Variants in NAV2 observed in about 807,000 individuals in gnomAD.
NAV2 encodes helicase, APC down-regulated 1.
Under a neutral mutation model 223.2 loss-of-function variants are expected in NAV2, and 54 were observed. That is an observed-to-expected ratio of 0.24 (90% CI 0.19 to 0.30). The LOEUF (loss-of-function observed/expected upper bound fraction) is 0.30. NAV2 is among the 10% of genes least tolerant of loss of function. The pLI is 1.00. For missense variants in NAV2, 2,806 were observed against 3,147.5 expected (o/e 0.89, Z 2.60); for synonymous variants, 1,279 against 1,239.3 (o/e 1.03, Z -0.67).
intron 1 of NAV2, among the ~76,000 whole-genome samples, chr11:19,755,835 G>A (rs2054189349): frequency 6.6e-6 from 1 of 152,178 alleles, no homozygotes; most frequent in Admixed American, 6.5e-5. Context: ...CAGCAAATAC[G>A]ATATGGAGTT....
intron 12 of NAV2, among the ~76,000 whole-genome samples, chr11:20,042,323 T>C (rs150309718): frequency 0.019 from 2,962 of 152,312 alleles, 46 homozygotes; most frequent in South Asian, 0.053. Flanking sequence ...AAGCGTGTGT[T>C]CCTTGGCTCC....
chr11:19,840,476 C>G, intron 2 of NAV2, among the ~76,000 whole-genome samples: 1 of 152,262 alleles, frequency 6.6e-6, no homozygotes, highest in East Asian at 1.9e-4. Context: ...GCACTAATGA[C>G]CTAATGCTGA....
chr11:19,429,231 G>T lies in NAV2; in HGVS notation c.75+78204G>T, dbSNP rs551302066. Among the ~76,000 whole-genome samples, 399 of 152,322 alleles carry T rather than the reference G, an allele frequency of 2.6e-3. 1 individual carries two copies. Among genetic ancestry groups the T allele is most frequent in the African/African-American group, 9.0e-3 (376 of 41,578 alleles). ...TAATCATAGTTCCTGGAGCAGGGCT[G>T]GTACTCTGTGAATTGAAAACTTGTG... On this transcript the variant is annotated intron_variant, in intron 1 of 37. Coordinates refer to the NAV2 transcript ENST00000360655.
chr11:19,777,434 C>T (rs551403396), intron 1 of NAV2: 11 of 445,782 alleles, frequency 2.5e-5, no homozygotes, highest in South Asian at 1.7e-4. Flanking sequence ...CCTCCTTTTT[C>T]CTCTGCCCCT....
At chr11:19,986,494 A>G (rs1281925725) in intron 11 of NAV2, among the ~76,000 whole-genome samples, 1 of 152,012 alleles carries the variant, frequency 6.6e-6, no homozygotes, top group Non-Finnish European at 1.5e-5. Flanking sequence ...GTGATGCACA[A>G]CTGTAATCCC....
At chr11:19,648,848 A>C (rs1310563119) in intron 1 of NAV2, among the ~76,000 whole-genome samples, 1 of 152,232 alleles carries the variant, frequency 6.6e-6, no homozygotes, top group Non-Finnish European at 1.5e-5. Flanking sequence ...GCCAAAAAGA[A>C]ATAAAAATTG....
At chr11:19,440,169 G>A (rs999395668) in intron 1 of NAV2, among the ~76,000 whole-genome samples, 10 of 152,198 alleles carry the variant, frequency 6.6e-5, no homozygotes, top group South Asian at 4.1e-4. Context: ...CCAGATGGAC[G>A]TGGTTGCTGT....
chr11:20,106,311 C>T lies in NAV2; in HGVS notation c.6841+584C>T, dbSNP rs2062099438. On this transcript the variant is annotated intron_variant, in intron 35 of 37. Coordinates refer to ENST00000349880, the MANE Select transcript of NAV2 (RefSeq NM_145117.5). ...TGGTGGCTCATGCCTGTAATCTCAG[C>T]ACTTTGGGAGGCCAAGGCATATGGA... Among the ~76,000 whole-genome samples, 3 of 143,906 alleles carry T rather than the reference C, an allele frequency of 2.1e-5. No individual in the cohort carries two copies. In the Admixed American group the frequency reaches 2.1e-4, roughly 10 times the overall value. 94.4% of individuals were successfully genotyped at this position (143,906 alleles called of 152,430 possible).
intron 8 of NAV2, among the ~76,000 whole-genome samples, chr11:19,941,965 T>C (rs1011761892): frequency 1.1e-4 from 16 of 152,172 alleles, no homozygotes; most frequent in African/African-American, 3.6e-4. Context: ...TTTTCCATGG[T>C]CCTTTTGTAA....
At chr11:19,467,217 T>A (rs531193975) in intron 1 of NAV2, among the ~76,000 whole-genome samples, 1 of 152,328 alleles carries the variant, frequency 6.6e-6, no homozygotes, top group South Asian at 2.1e-4. Flanking sequence ...AGATATGATA[T>A]TTAAATTTTT....
intron 1 of NAV2, among the ~76,000 whole-genome samples, chr11:19,425,003 A>G (rs1313342506): frequency 2.0e-5 from 3 of 152,182 alleles, no homozygotes; most frequent in Non-Finnish European, 4.4e-5. Context: ...CAGTCATTCT[A>G]TGGTAACCTG....
At chr11:19,658,647 C>A (rs943860339) in intron 1 of NAV2, among the ~76,000 whole-genome samples, 4 of 152,128 alleles carry the variant, frequency 2.6e-5, no homozygotes, top group African/African-American at 9.7e-5. Context: ...TCTGGGTGAG[C>A]CCCAGCAGTA....
rs142757399 is a variant in NAV2, at chr11:19,802,469, T to C, written c.268-30015T>C. On this transcript the variant is annotated intron_variant, in intron 1 of 37. Transcript: ENST00000349880. The stretch of plus-strand genomic sequence containing the variant: ...GGCCTCCCCAGCCACCTGTGATCTG[T>C]GAACTGGCCTCTTGTTCTTGCATCT... Among the ~76,000 whole-genome samples, 249 of 152,354 alleles carry C rather than the reference T, an allele frequency of 1.6e-3. 2 individuals are homozygous for C. The highest frequency in any genetic ancestry group is 5.7e-3 in the African/African-American group (239 of 41,582).
intron 1 of NAV2, among the ~76,000 whole-genome samples, chr11:19,676,151 T>C (rs1463675362): frequency 6.6e-6 from 1 of 152,216 alleles, no homozygotes; most frequent in Non-Finnish European, 1.5e-5. Flanking sequence ...GCTTCTTCCC[T>C]GTCCCTTCCT....
chr11:20,078,376 C>T (rs1386430514), intron 24 of NAV2, among the ~76,000 whole-genome samples: 1 of 152,198 alleles, frequency 6.6e-6, no homozygotes, highest in East Asian at 1.9e-4. Context: ...TATTTTACAA[C>T]CCTTAATTTC....
At chr11:19,443,358 C>A (rs1851470950) in intron 1 of NAV2, among the ~76,000 whole-genome samples, 1 of 152,146 alleles carries the variant, frequency 6.6e-6, no homozygotes, top group African/African-American at 2.4e-5. Context: ...ACAGTCAGCT[C>A]TCCATGGAGT....
At chr11:20,017,811 T>C (rs891480927) in intron 11 of NAV2, among the ~76,000 whole-genome samples, 1 of 152,212 alleles carries the variant, frequency 6.6e-6, no homozygotes, top group Non-Finnish European at 1.5e-5. Context: ...CACTGCCTGT[T>C]GCAGATCACA....
chr11:19,640,145 C>T (rs536418300), intron 1 of NAV2, among the ~76,000 whole-genome samples: 12 of 152,278 alleles, frequency 7.9e-5, no homozygotes, highest in African/African-American at 2.2e-4. Context: ...GGGCTCGAGG[C>T]TTAAGTTACC....
intron 6 of NAV2, among the ~76,000 whole-genome samples, chr11:19,894,857 A>G (rs1290257046): frequency 6.6e-6 from 1 of 152,074 alleles, no homozygotes; most frequent in East Asian, 1.9e-4. Context: ...CAGCCTCCCT[A>G]GTAGCTGGGA....
Sources: allele counts gnomAD v4.1 joint callset (sites outside exome capture counted in the v4.1 genomes callset), GRCh38; gene constraint gnomAD v4.1.1; transcripts MANE v1.5; gene names NCBI Gene and HGNC (gene_info 2026-07-23, HGNC 2026-07-21).